AGBL1: variants seen among roughly 807,000 people sequenced by gnomAD.
AGBL1 encodes cytosolic carboxypeptidase 4.
AGBL1 carries 130 observed loss-of-function variants against 118.9 expected under a neutral mutation model. That is an observed-to-expected ratio of 1.09 (90% confidence interval 0.95 to 1.26). The LOEUF (loss-of-function observed/expected upper bound fraction) is 1.26. Among genes scored for constraint, AGBL1 ranks in the 50% most tolerant of loss-of-function variants. The pLI is 0.00. For missense variants in AGBL1, 1,584 were observed against 1,298.1 expected, an observed-to-expected ratio of 1.22 and a Z score of -3.38; for synonymous variants, 555 against 478.9, an observed-to-expected ratio of 1.16 and a Z score of -2.08.
intron 22 of AGBL1, among the ~76,000 whole-genome samples, chr15:86,825,852 A>T (rs1429455708): frequency 6.6e-6 from 1 of 151,672 alleles, no homozygotes; most frequent in Non-Finnish European, 1.5e-5. Flanking sequence ...TCACTCATTC[A>T]TTCCTGGTAG....
chr15:86,818,101 C>T (rs12916702), intron 22 of AGBL1, among the ~76,000 whole-genome samples: 48,594 of 151,094 alleles, frequency 0.32, 9,606 homozygotes, highest in Non-Finnish European at 0.47. Flanking sequence ...TGTGCGTGTG[C>T]GTGTATGTGA....
At chr15:86,790,372 G>A (rs931572620) in intron 22 of AGBL1, among the ~76,000 whole-genome samples, 3 of 150,336 alleles carry the variant, frequency 2.0e-5, no homozygotes, top group Non-Finnish European at 4.4e-5. Flanking sequence ...ACACACGCAT[G>A]CACGCACGCA....
intron 6 of AGBL1, among the ~76,000 whole-genome samples, chr15:86,240,616 GAGTA>G (rs1327904257): frequency 2.6e-5 from 4 of 152,166 alleles, no homozygotes; most frequent in Admixed American, 1.3e-4. Flanking sequence ...AAACTTTGGA[GAGTA>G]AGTAAGAGTT....
chr15:86,925,544 G>A (rs1222572719), intron 23 of AGBL1, among the ~76,000 whole-genome samples: 1 of 152,166 alleles, frequency 6.6e-6, no homozygotes, highest in East Asian at 1.9e-4. Context: ...ATATCTCAGA[G>A]AATGTAGAGA....
Position 86,980,345 on chromosome 15 carries a change from G to A in AGBL1, c.3222-7642G>A, listed in dbSNP as rs576880156. On this transcript the variant is annotated intron_variant, in intron 23 of 24. Coordinates refer to the AGBL1 transcript ENST00000441037. The stretch of plus-strand genomic sequence containing the variant: ...CTATATTTAATGTTCTGTTTGAATG[G>A]GAGATTTTGCCACCTGCGGGAGCAT... Among the ~76,000 whole-genome samples, 4 of 152,224 alleles carry A rather than the reference G, an allele frequency of 2.6e-5. No individual in the cohort carries two copies. In the South Asian group the frequency reaches 8.3e-4, roughly 32 times the overall value.
chr15:86,432,587 G>T (rs1482231826), intron 18 of AGBL1, among the ~76,000 whole-genome samples: 1 of 152,164 alleles, frequency 6.6e-6, no homozygotes, highest in Non-Finnish European at 1.5e-5. Context: ...AGGTAATGTT[G>T]CTGGGTTTCT....
chr15:86,683,455 C>T (rs767693512), intron 22 of AGBL1, among the ~76,000 whole-genome samples: 6 of 152,098 alleles, frequency 3.9e-5, no homozygotes, highest in Non-Finnish European at 8.8e-5. Flanking sequence ...CAAAATGTTA[C>T]CACCTAATAA....
At chr15:86,631,830 C>T (rs2084972961) in intron 21 of AGBL1, among the ~76,000 whole-genome samples, 1 of 152,248 alleles carries the variant, frequency 6.6e-6, no homozygotes, top group South Asian at 2.1e-4. Context: ...TGCCTCCATC[C>T]CCTTTTGTTG....
intron 1 of AGBL1, among the ~76,000 whole-genome samples, chr15:86,117,639 T>C (rs1018033891): frequency 3.3e-5 from 5 of 152,222 alleles, no homozygotes; most frequent in Non-Finnish European, 7.3e-5. Context: ...ACACTTCACG[T>C]GTGCACAAGA....
intron 2 of AGBL1, among the ~76,000 whole-genome samples, chr15:86,142,307 A>G (rs1259532951): frequency 6.6e-6 from 1 of 152,050 alleles, no homozygotes; most frequent in Non-Finnish European, 1.5e-5. Flanking sequence ...TTTAGTAGTA[A>G]CCCTCCGTGG....
intron 18 of AGBL1, among the ~76,000 whole-genome samples, chr15:86,517,320 G>A (rs1485486881): frequency 6.6e-6 from 1 of 152,160 alleles, no homozygotes; most frequent in Non-Finnish European, 1.5e-5. Context: ...CAGTCCATTA[G>A]GATCTTGTTA....
downstream of AGBL1, among the ~76,000 whole-genome samples, chr15:86,918,282 T>C (rs1207622067): frequency 4.6e-5 from 7 of 152,212 alleles, no homozygotes; most frequent in Non-Finnish European, 7.3e-5. Flanking sequence ...GGGAGATAGT[T>C]AGCAGCTTGG....
At chr15:86,270,208 A>G in intron 14 of AGBL1, 141 bp downstream of exon 14, 1 of 1,157,742 alleles carries the variant, frequency 8.6e-7, no homozygotes, top group Non-Finnish European at 1.2e-6. Flanking sequence ...GCAGCAAGGC[A>G]GGCAGTGGCC....
intron 18 of AGBL1, among the ~76,000 whole-genome samples, chr15:86,464,057 T>G (rs577233283): frequency 6.6e-6 from 1 of 152,314 alleles, no homozygotes; most frequent in Non-Finnish European, 1.5e-5. Flanking sequence ...ACAATATTGG[T>G]TCTTTCTATC....
chr15:86,132,970 T>C (rs575581023), intron 1 of AGBL1, among the ~76,000 whole-genome samples: 74 of 152,324 alleles, frequency 4.9e-4, no homozygotes, highest in African/African-American at 1.7e-3. Flanking sequence ...GCCTATTTAT[T>C]TATCAACATT....
At chr15:86,879,689 CTG>C (rs902782751) in intron 22 of AGBL1, among the ~76,000 whole-genome samples, 4 of 152,194 alleles carry the variant, frequency 2.6e-5, no homozygotes, top group Admixed American at 2.6e-4. Flanking sequence ...TTCCAGAAAA[CTG>C]TTTTCTGAGG....
At chr15:86,444,484 C>T (rs543831626) in intron 18 of AGBL1, among the ~76,000 whole-genome samples, 4 of 152,256 alleles carry the variant, frequency 2.6e-5, no homozygotes, top group East Asian at 1.9e-4. Context: ...GGAGAGCTTG[C>T]CCAAAGGGTT....
At chr15:87,031,467 T>C (rs974947474), downstream of AGBL1, among the ~76,000 whole-genome samples, 10 of 151,854 alleles carry the variant, frequency 6.6e-5, no homozygotes, top group African/African-American at 1.9e-4. Flanking sequence ...AATGATTTTT[T>C]CTTTAACATG....
At chr15:86,791,784 T>A (rs2078497577) in intron 22 of AGBL1, among the ~76,000 whole-genome samples, 1 of 151,296 alleles carries the variant, frequency 6.6e-6, no homozygotes, top group South Asian at 2.1e-4. Flanking sequence ...TCATCCAGAC[T>A]GGAGTGCAGT....
Sources: allele counts gnomAD v4.1 joint callset (sites outside exome capture counted in the v4.1 genomes callset), GRCh38; gene constraint gnomAD v4.1.1; transcripts MANE v1.5; gene names NCBI Gene and HGNC (gene_info 2026-07-23, HGNC 2026-07-21).